Variants in NOX4 observed in about 807,000 individuals in gnomAD.
NOX4 encodes the protein kidney oxidase-1.
In NOX4, 69 loss-of-function variants were observed where a neutral mutation model predicts 87.6. The ratio of observed to expected loss-of-function variants is 0.79; its 90% CI spans 0.65 to 0.96. The LOEUF is 0.96. Among genes scored for constraint, NOX4 ranks in the 40% least tolerant of loss-of-function variants. The pLI, the probability that NOX4 is intolerant of heterozygous loss-of-function variation, is 0.00. For synonymous variants in NOX4, 275 were observed against 238.2 expected (o/e 1.15, Z -1.42); for missense variants, 680 against 681.5 (o/e 1.00, Z 0.02).
the NOX4 span, among the ~76,000 whole-genome samples, chr11:89,560,358 G>T: frequency 7.4e-4 from 112 of 152,186 alleles, no homozygotes; most frequent in African/African-American, 2.4e-3. Flanking sequence ...TGGCACCTTT[G>T]ATTTTTTAGC....
At chr11:89,465,986 A>G (rs1191576215) in intron 2 of NOX4, among the ~76,000 whole-genome samples, 2 of 152,150 alleles carry the variant, frequency 1.3e-5, no homozygotes, top group Non-Finnish European at 2.9e-5. Context: ...CAAAAGGATT[A>G]ATGCCTTTAT....
intron 11 of NOX4, among the ~76,000 whole-genome samples, chr11:89,395,042 G>C (rs1256381993): frequency 6.6e-6 from 1 of 152,122 alleles, no homozygotes; most frequent in Non-Finnish European, 1.5e-5. Context: ...AGGGTCAAAT[G>C]GTGTTTCTAG....
chr11:89,510,360 C>A, the NOX4 span, among the ~76,000 whole-genome samples: 1 of 152,048 alleles, frequency 6.6e-6, no homozygotes, highest in African/African-American at 2.4e-5. Context: ...GATAGGTGAA[C>A]ACACCCTAGG....
intron 2 of NOX4, among the ~76,000 whole-genome samples, chr11:89,468,586 A>G (rs781556162): frequency 1.3e-5 from 2 of 152,224 alleles, no homozygotes; most frequent in Non-Finnish European, 2.9e-5. Flanking sequence ...TTCCTATTAA[A>G]CAATGATCCC....
chr11:89,498,196 A>T (rs1165634639), upstream of NOX4: 2 of 152,188 alleles, frequency 1.3e-5, no homozygotes, highest in Admixed American at 6.6e-5. Context: ...TACTTTGAGG[A>T]AAAGAAGTTT....
intron 9 of NOX4, 86 bp from the exon 10 acceptor site, chr11:89,400,465 A>G: frequency 2.5e-6 from 2 of 800,554 alleles, no homozygotes; most frequent in Non-Finnish European, 3.6e-6. Flanking sequence ...TGCATACATT[A>G]CAGTAATAGT....
chr11:89,513,658 C>G, the NOX4 span, among the ~76,000 whole-genome samples: 3 of 151,894 alleles, frequency 2.0e-5, no homozygotes, highest in Non-Finnish European at 4.4e-5. Context: ...CTAATACACT[C>G]CTATTTGACA....
the NOX4 span, among the ~76,000 whole-genome samples, chr11:89,561,023 TACACAC>T: frequency 1.1e-4 from 8 of 71,316 alleles, no homozygotes; most frequent in South Asian, 3.2e-3. Flanking sequence ...TATATATACA[TACACAC>T]ACACATACAC....
upstream of NOX4, among the ~76,000 whole-genome samples, chr11:89,493,179 G>A (rs1468192149): frequency 2.0e-5 from 3 of 152,232 alleles, no homozygotes; most frequent in African/African-American, 7.2e-5. Flanking sequence ...GGAGTCAGGA[G>A]ATGGAGGCCA....
At chr11:89,501,378 G>A (rs890813730), upstream of NOX4, among the ~76,000 whole-genome samples, 40 of 151,970 alleles carry the variant, frequency 2.6e-4, 1 homozygote, top group Admixed American at 2.4e-3. Context: ...GGTAAAGAGC[G>A]GTAGTTTTGG....
the NOX4 span, among the ~76,000 whole-genome samples, chr11:89,571,794 A>T: frequency 6.6e-6 from 1 of 152,156 alleles, no homozygotes; most frequent in East Asian, 1.9e-4. Flanking sequence ...GTATTCCTAA[A>T]TAAGGTAGCT....
chr11:89,576,766 C>G, the NOX4 span: 1 of 152,056 alleles, frequency 6.6e-6, no homozygotes, highest in African/African-American at 2.4e-5. Context: ...TATTAATATA[C>G]AGAGTAAGAA....
the NOX4 span, among the ~76,000 whole-genome samples, chr11:89,511,850 C>CA: frequency 6.6e-6 from 1 of 152,076 alleles, no homozygotes. Flanking sequence ...ATACCTCACA[C>CA]AATACTTGTT....
chr11:89,470,672 C>A (rs1016284842), intron 2 of NOX4, among the ~76,000 whole-genome samples: 4 of 152,168 alleles, frequency 2.6e-5, no homozygotes, highest in African/African-American at 9.7e-5. Flanking sequence ...AGAAAAGTTT[C>A]AAAGCCACTA....
rs181571452 is a variant in NOX4, at chr11:89,406,322, C to T, written c.630-3780G>A. ...TTTATTAAAATTTGAGGCACATGTTCTATATGATTTTTATGGTGTTTTAAA... is the reference window on the plus strand; with the variant it reads ...TTTATTAAAATTTGAGGCACATGTTTTATATGATTTTTATGGTGTTTTAAA... On this transcript the variant is annotated intron_variant, in intron 8 of 17. Coordinates refer to ENST00000263317, the MANE Select transcript of NOX4 (RefSeq NM_016931.5). Among the ~76,000 whole-genome samples the T allele has an allele frequency of 4.6e-5, 7 of 152,116 alleles. 1 individual carries two copies. The highest frequency in any genetic ancestry group is 4.6e-4 in the Admixed American group (7 of 15,256).
chr11:89,544,438 G>C, the NOX4 span, among the ~76,000 whole-genome samples: 1 of 152,198 alleles, frequency 6.6e-6, no homozygotes, highest in South Asian at 2.1e-4. Flanking sequence ...AATAAAGGCA[G>C]AACTGAACAC....
intron 6 of NOX4, among the ~76,000 whole-genome samples, chr11:89,438,669 ATATACTATAT>A (rs1944239227): frequency 2.3e-5 from 1 of 42,798 alleles, no homozygotes; most frequent in Non-Finnish European, 3.2e-5. Context: ...ACTATATATT[ATATACTATAT>A]ATACTATAAA....
the NOX4 span, among the ~76,000 whole-genome samples, chr11:89,574,064 T>G: frequency 1.4e-4 from 22 of 152,200 alleles, no homozygotes; most frequent in Admixed American, 6.5e-4. Flanking sequence ...TGTTAATAGC[T>G]TTGGATGGTA....
At chr11:89,489,058 C>T in intron 2 of NOX4, 1 of 695,110 alleles carries the variant, frequency 1.4e-6, no homozygotes, top group Non-Finnish European at 2.6e-6. Flanking sequence ...TTTTTTCAAC[C>T]CATTGGCTTA....
Sources: gnomAD v4.1 joint callset for allele counts (sites outside exome capture counted in the v4.1 genomes callset) on GRCh38, gnomAD v4.1.1 for gene constraint, MANE v1.5 for transcripts, NCBI Gene and HGNC (gene_info 2026-07-23, HGNC 2026-07-21) for gene names.